Variants in UNC5D observed in about 807,000 individuals in gnomAD.
UNC5D encodes unc-5 netrin receptor D.
A neutral mutation model predicts 105.4 loss-of-function variants in UNC5D; 39 were observed. The ratio of observed to expected loss-of-function variants is 0.37; its 90% CI spans 0.29 to 0.48. The LOEUF (loss-of-function observed/expected upper bound fraction) is 0.48. Ranked by LOEUF, UNC5D falls within the 20% of genes least tolerant of loss-of-function variation. The pLI is 0.98. For synonymous variants in UNC5D, 452 were observed against 450.4 expected, an observed-to-expected ratio of 1.00 and a Z score of -0.04; for missense variants, 991 against 1,202.4, an observed-to-expected ratio of 0.82 and a Z score of 2.60.
At chr8:35,575,102 T>G (rs1202187145) in intron 3 of UNC5D, among the ~76,000 whole-genome samples, 3 of 152,220 alleles carry the variant, frequency 2.0e-5, no homozygotes, top group Non-Finnish European at 4.4e-5. Context: ...AACTGAGTTT[T>G]CAAAGCATCG....
At chr8:35,239,462 G>A (rs982401768) in intron 1 of UNC5D, among the ~76,000 whole-genome samples, 1 of 150,972 alleles carries the variant, frequency 6.6e-6, no homozygotes, top group African/African-American at 2.4e-5. Flanking sequence ...GGTTTATTGG[G>A]AGATACTGCA....
intron 7 of UNC5D, among the ~76,000 whole-genome samples, chr8:35,693,914 G>C (rs2131385736): frequency 6.6e-6 from 1 of 152,128 alleles, no homozygotes; most frequent in East Asian, 1.9e-4. Context: ...CACCTCCACT[G>C]TAAGTAAGGG....
Position 35,423,520 on chromosome 8 carries a change from A to C in UNC5D, c.104-125772A>C, listed in dbSNP as rs566669759. Among the ~76,000 whole-genome samples the C allele has an allele frequency of 2.6e-5, 4 of 152,236 alleles. No individual in the cohort carries two copies. In the South Asian group the frequency reaches 8.3e-4, roughly 32 times the overall value. ...TAGCTAATTCTATTTTTCTCAGTTG[A>C]TTTGTAGACACTTGTGCATAGAAAT... On this transcript the variant is annotated intron_variant, in intron 1 of 16. Coordinates refer to ENST00000404895, the MANE Select transcript of UNC5D (RefSeq NM_080872.4).
chr8:35,253,999 A>T (rs1182166049), intron 1 of UNC5D, among the ~76,000 whole-genome samples: 1 of 152,138 alleles, frequency 6.6e-6, no homozygotes, highest in African/African-American at 2.4e-5. Flanking sequence ...CGTACTCTCT[A>T]CTGAACTAAA....
chr8:35,282,601 A>G (rs780635117), intron 1 of UNC5D, among the ~76,000 whole-genome samples: 2 of 151,786 alleles, frequency 1.3e-5, no homozygotes, highest in Non-Finnish European at 2.9e-5. Flanking sequence ...GAGTTCATAA[A>G]ACTTGATTCG....
At chr8:35,456,387 T>C (rs1186225020) in intron 1 of UNC5D, among the ~76,000 whole-genome samples, 1 of 152,184 alleles carries the variant, frequency 6.6e-6, no homozygotes, top group Non-Finnish European at 1.5e-5. Flanking sequence ...GTGATGCTGA[T>C]GCTGCTGATT....
At chr8:35,396,632 G>A (rs1262929361) in intron 1 of UNC5D, among the ~76,000 whole-genome samples, 1 of 152,054 alleles carries the variant, frequency 6.6e-6, no homozygotes, top group Non-Finnish European at 1.5e-5. Context: ...CAAGTAGCTG[G>A]TATTACAGGC....
At chr8:35,376,509 A>G (rs1490840227) in intron 1 of UNC5D, among the ~76,000 whole-genome samples, 2 of 152,260 alleles carry the variant, frequency 1.3e-5, no homozygotes, top group East Asian at 3.9e-4. Context: ...AACATAGATG[A>G]TATGTATGTA....
At chr8:35,623,397 AT>A (rs1024858148) in intron 4 of UNC5D, among the ~76,000 whole-genome samples, 1 of 152,104 alleles carries the variant, frequency 6.6e-6, no homozygotes, top group African/African-American at 2.4e-5. Flanking sequence ...TATTTTTATT[AT>A]TTTTTGTGAT....
intron 3 of UNC5D, among the ~76,000 whole-genome samples, chr8:35,592,045 T>A (rs908394158): frequency 7.2e-5 from 11 of 152,248 alleles, no homozygotes; most frequent in African/African-American, 2.7e-4. Flanking sequence ...CCAATTGGTG[T>A]ACTTGCTGTT....
chr8:35,482,073 T>C (rs185193846), intron 1 of UNC5D, among the ~76,000 whole-genome samples: 5 of 152,344 alleles, frequency 3.3e-5, no homozygotes, highest in Admixed American at 2.0e-4. Context: ...TATTCCTCTT[T>C]GAACTTTCTT....
intron 1 of UNC5D, among the ~76,000 whole-genome samples, chr8:35,329,012 G>A (rs1197346257): frequency 6.6e-6 from 1 of 152,054 alleles, no homozygotes; most frequent in African/African-American, 2.4e-5. Context: ...CTGAGATACT[G>A]ATGAATGAGT....
intron 4 of UNC5D, among the ~76,000 whole-genome samples, chr8:35,625,360 T>C (rs1821645900): frequency 6.6e-6 from 1 of 152,262 alleles, no homozygotes; most frequent in Non-Finnish European, 1.5e-5. Flanking sequence ...ATGGTTTATT[T>C]ACTACTGTAG....
At chr8:35,390,655 C>G (rs2128940444) in intron 1 of UNC5D, among the ~76,000 whole-genome samples, 1 of 152,304 alleles carries the variant, frequency 6.6e-6, no homozygotes, top group Middle Eastern at 3.4e-3. Context: ...TGGTAACACT[C>G]TGGCGTTTCA....
intron 1 of UNC5D, among the ~76,000 whole-genome samples, chr8:35,498,587 A>C (rs1463282146): frequency 6.6e-6 from 1 of 152,094 alleles, no homozygotes; most frequent in African/African-American, 2.4e-5. Context: ...GTGTACTGGG[A>C]AGGAAAATGC....
intron 1 of UNC5D, among the ~76,000 whole-genome samples, chr8:35,292,145 TC>T (rs1807114680): frequency 1.3e-5 from 2 of 152,186 alleles, no homozygotes; most frequent in South Asian, 4.1e-4. Flanking sequence ...AAGCCCCAAA[TC>T]CCTTTGTGGT....
intron 1 of UNC5D, among the ~76,000 whole-genome samples, chr8:35,454,942 A>C (rs75831064): frequency 0.017 from 2,538 of 152,244 alleles, 80 homozygotes; most frequent in African/African-American, 0.058. Context: ...GTCAAATGAA[A>C]TTTATCCCTT....
chr8:35,729,053 G>T (rs1829048705), intron 10 of UNC5D, among the ~76,000 whole-genome samples: 1 of 152,196 alleles, frequency 6.6e-6, no homozygotes, highest in Non-Finnish European at 1.5e-5. Context: ...GGCAGGAGGA[G>T]TGGGGGAAGT....
At chr8:35,281,669 T>A (rs544228485) in intron 1 of UNC5D, among the ~76,000 whole-genome samples, 23 of 152,278 alleles carry the variant, frequency 1.5e-4, no homozygotes, top group African/African-American at 4.3e-4. Context: ...ATGGGCTGTG[T>A]GATGGATTCC....
Sources: allele counts gnomAD v4.1 joint callset (sites outside exome capture counted in the v4.1 genomes callset), GRCh38; gene constraint gnomAD v4.1.1; transcripts MANE v1.5; gene names NCBI Gene and HGNC (gene_info 2026-07-23, HGNC 2026-07-21).